The following FNDC3B variants were observed in gnomAD, a reference collection of about 807,000 sequenced individuals.
FNDC3B encodes fibronectin type III domain-containing protein 3B.
FNDC3B carries 12 observed loss-of-function variants against 151.5 expected under a neutral mutation model. The ratio of observed to expected loss-of-function variants is 0.08; its 90% CI spans 0.05 to 0.13. FNDC3B has a LOEUF of 0.13. Among genes scored for constraint, FNDC3B ranks in the 10% least tolerant of loss-of-function variants. FNDC3B has a pLI of 1.00. For synonymous variants in FNDC3B, 528 were observed against 549.0 expected (o/e 0.96, Z 0.54); for missense variants, 1,214 against 1,505.3 (o/e 0.81, Z 3.20).
At position 172,262,758 on chromosome 3, in the gene FNDC3B, T is replaced by C. The variant is rs528024329; in HGVS notation, c.790+11217T>C. Reference sequence around the variant, plus strand: ...TCTCTGACAAAAAAAATTAGCTGGATGTGGTGGGCATGCCTGTAATCCCAG... The same window carrying C: ...TCTCTGACAAAAAAAATTAGCTGGACGTGGTGGGCATGCCTGTAATCCCAG... On this transcript the variant is annotated intron_variant, in intron 6 of 25. Coordinates refer to ENST00000415807, the MANE Select transcript of FNDC3B (RefSeq NM_022763.4). 6.4e-4 allele frequency among the ~76,000 whole-genome samples: 97 copies of C among 151,498 alleles called. 1 individual carries two copies. Among genetic ancestry groups the C allele is most frequent in the African/African-American group, 2.2e-3 (90 of 41,294 alleles).
At chr3:172,235,814 G>T (rs1299833950) in intron 4 of FNDC3B, among the ~76,000 whole-genome samples, 3 of 152,194 alleles carry the variant, frequency 2.0e-5, no homozygotes, top group Non-Finnish European at 4.4e-5. Flanking sequence ...GAATATGCCA[G>T]TTGCCTGTTG....
intron 3 of FNDC3B, among the ~76,000 whole-genome samples, chr3:172,152,687 T>G (rs1381671276): frequency 6.6e-6 from 1 of 151,462 alleles, no homozygotes; most frequent in Non-Finnish European, 1.5e-5. Context: ...CGTGCTCAAC[T>G]TACAAAGTTT....
intron 3 of FNDC3B, among the ~76,000 whole-genome samples, chr3:172,162,179 C>A (rs1576921738): frequency 6.6e-6 from 1 of 152,074 alleles, no homozygotes; most frequent in South Asian, 2.1e-4. Flanking sequence ...GGGCTTCACC[C>A]TGTTGGCCAG....
chr3:172,193,381 A>T (rs1258009718), intron 3 of FNDC3B, among the ~76,000 whole-genome samples: 1 of 128,176 alleles, frequency 7.8e-6, no homozygotes, highest in African/African-American at 3.0e-5. Context: ...TTTTTTCAAG[A>T]TATTTAGGTT....
intron 3 of FNDC3B, chr3:172,148,389 G>A (rs1681392230): frequency 6.6e-6 from 1 of 152,132 alleles, no homozygotes; most frequent in Non-Finnish European, 1.5e-5. Context: ...AAAATAGTGG[G>A]CCAATATGGA....
chr3:172,242,382 C>T (rs537148582), intron 4 of FNDC3B, among the ~76,000 whole-genome samples: 25 of 151,972 alleles, frequency 1.6e-4, no homozygotes, highest in South Asian at 6.2e-4. Context: ...CAGAGGTTCT[C>T]GATGACAGCC....
intron 2 of FNDC3B, among the ~76,000 whole-genome samples, chr3:172,129,070 G>A (rs945369902): frequency 3.9e-5 from 6 of 152,110 alleles, no homozygotes; most frequent in Admixed American, 3.3e-4. Flanking sequence ...CTGGGCTCAC[G>A]CGATCCTCCT....
intron 11 of FNDC3B, among the ~76,000 whole-genome samples, chr3:172,320,001 T>G (rs1247939977): frequency 1.3e-5 from 2 of 152,194 alleles, no homozygotes; most frequent in African/African-American, 2.4e-5. Context: ...TGACAACTGA[T>G]AACCAAATTC....
intron 11 of FNDC3B, among the ~76,000 whole-genome samples, chr3:172,317,872 C>T (rs1339600959): frequency 6.6e-6 from 1 of 152,230 alleles, no homozygotes; most frequent in Non-Finnish European, 1.5e-5. Flanking sequence ...TGGATGTTAA[C>T]TTGCTATTAG....
chr3:172,192,741 A>G (rs1724593235), intron 3 of FNDC3B, among the ~76,000 whole-genome samples: 1 of 152,020 alleles, frequency 6.6e-6, no homozygotes, highest in Admixed American at 6.6e-5. Context: ...ATATATATAT[A>G]TATATTTTTT....
intron 1 of FNDC3B, among the ~76,000 whole-genome samples, chr3:172,095,055 T>C (rs994642979): frequency 3.3e-5 from 5 of 152,016 alleles, no homozygotes; most frequent in Non-Finnish European, 7.4e-5. Context: ...TCTTCAGTAA[T>C]GGTGATTTTA....
intron 23 of FNDC3B, among the ~76,000 whole-genome samples, chr3:172,374,598 C>G (rs894158672): frequency 1.3e-5 from 2 of 151,988 alleles, no homozygotes; most frequent in African/African-American, 4.8e-5. Context: ...TTTCACCATG[C>G]TGGCCAGGCT....
intron 3 of FNDC3B, among the ~76,000 whole-genome samples, chr3:172,161,634 A>G (rs1043506445): frequency 3.3e-5 from 5 of 152,232 alleles, no homozygotes; most frequent in East Asian, 1.9e-4. Context: ...AAGCCTGACA[A>G]TGTCTGACAC....
intron 22 of FNDC3B, among the ~76,000 whole-genome samples, chr3:172,360,815 C>T (rs1414402876): frequency 2.0e-5 from 3 of 152,178 alleles, no homozygotes; most frequent in Non-Finnish European, 4.4e-5. Flanking sequence ...TGGTACCACA[C>T]TCTCTTGATT....
chr3:172,229,088 C>A (rs1359506899), intron 4 of FNDC3B, among the ~76,000 whole-genome samples: 2 of 25,218 alleles, frequency 7.9e-5, no homozygotes, highest in Non-Finnish European at 1.8e-4. Context: ...GAAAGAAACA[C>A]ACACACACAC....
Position 172,251,513 on chromosome 3 carries a change from C to T in FNDC3B, c.762C>T (p.Ser254=). ...AAACAGAGCGACGAGCAAGAAGCAG[C>T]CCAAAGTCGAATGATTCAGACTTGC... ...IKKTERRARS[S]PKSNDSDLQE... Residue 254 remains serine, a synonymous_variant, in exon 6 of 26, where the codon AGC becomes AGT. Coordinates refer to ENST00000415807, the MANE Select transcript of FNDC3B (RefSeq NM_022763.4). The T allele has an allele frequency of 1.2e-6, 2 of 1,613,444 alleles. No homozygotes were observed. The highest frequency in any genetic ancestry group is 1.7e-6 in the Non-Finnish European group (2 of 1,179,714).
intron 3 of FNDC3B, among the ~76,000 whole-genome samples, chr3:172,158,428 A>T (rs1212254806): frequency 6.6e-6 from 1 of 152,070 alleles, no homozygotes; most frequent in African/African-American, 2.4e-5. Context: ...GCATCTTTCA[A>T]TGTGCTTATT....
intron 3 of FNDC3B, chr3:172,133,783 A>G: frequency 2.0e-6 from 1 of 507,098 alleles, no homozygotes. Context: ...GCTAAGTAAC[A>G]AATTACTCCA....
chr3:172,094,339 C>A (rs1266946458), intron 1 of FNDC3B, among the ~76,000 whole-genome samples: 3 of 152,248 alleles, frequency 2.0e-5, no homozygotes, highest in Admixed American at 2.0e-4. Flanking sequence ...CCCCAAGCAA[C>A]CACCAGTCTA....
Sources: allele counts gnomAD v4.1 joint callset (sites outside exome capture counted in the v4.1 genomes callset), GRCh38; gene constraint gnomAD v4.1.1; transcripts MANE v1.5; gene names NCBI Gene and HGNC (gene_info 2026-07-23, HGNC 2026-07-21).